The following SWT1 variants were observed in gnomAD, a reference collection of about 807,000 sequenced individuals.
SWT1 encodes the protein SWT1 RNA endoribonuclease homolog.
A neutral mutation model predicts 107.3 loss-of-function variants in SWT1; 33 were observed. The ratio of observed to expected loss-of-function variants is 0.31; its 90% CI spans 0.23 to 0.41. The LOEUF is 0.41. Among genes scored for constraint, SWT1 ranks in the 10% least tolerant of loss-of-function variants. The pLI, the probability that SWT1 is intolerant of heterozygous loss-of-function variation, is 1.00. For synonymous variants in SWT1, 345 were observed against 348.3 expected, an observed-to-expected ratio of 0.99 and a Z score of 0.11; for missense variants, 898 against 1,028.9, an observed-to-expected ratio of 0.87 and a Z score of 1.74.
chr1:185,187,884 G>T (rs1438040863), intron 9 of SWT1, among the ~76,000 whole-genome samples: 2 of 151,956 alleles, frequency 1.3e-5, no homozygotes, highest in African/African-American at 4.8e-5. Flanking sequence ...GTAGAGATGG[G>T]GTTTCACCAT....
chr1:185,193,327 T>C (rs978789741), intron 10 of SWT1, among the ~76,000 whole-genome samples: 1 of 152,208 alleles, frequency 6.6e-6, no homozygotes, highest in African/African-American at 2.4e-5. Flanking sequence ...TGGTCTGTTT[T>C]AGTGAATGTT....
intron 18 of SWT1, among the ~76,000 whole-genome samples, chr1:185,278,313 C>A (rs1664386470): frequency 6.6e-6 from 1 of 152,184 alleles, no homozygotes; most frequent in African/African-American, 2.4e-5. Flanking sequence ...CTAATTCCTT[C>A]CCTTCTGCCA....
chr1:185,175,917 A>G (rs1162039920), intron 5 of SWT1, among the ~76,000 whole-genome samples: 1 of 152,202 alleles, frequency 6.6e-6, no homozygotes. Flanking sequence ...AAAGTATAAT[A>G]CCTATCACTT....
intron 13 of SWT1, among the ~76,000 whole-genome samples, chr1:185,212,095 T>C (rs1044294789): frequency 1.4e-4 from 21 of 152,068 alleles, no homozygotes; most frequent in Non-Finnish European, 2.9e-4. Flanking sequence ...TTAGGAGATA[T>C]ACCTAATGTT....
At chr1:185,236,278 C>T (rs570165810) in intron 16 of SWT1, among the ~76,000 whole-genome samples, 2 of 150,234 alleles carry the variant, frequency 1.3e-5, no homozygotes, top group Admixed American at 1.3e-4. Flanking sequence ...CTAAGCAATC[C>T]TAACAAAACT....
intron 16 of SWT1, among the ~76,000 whole-genome samples, chr1:185,252,742 C>A (rs1184145727): frequency 6.6e-6 from 1 of 152,156 alleles, no homozygotes; most frequent in African/African-American, 2.4e-5. Context: ...TGCCTGTTCA[C>A]TCTGTTGGTA....
chr1:185,239,989 A>G (rs957444002), intron 16 of SWT1, among the ~76,000 whole-genome samples: 1 of 152,082 alleles, frequency 6.6e-6, no homozygotes, highest in African/African-American at 2.4e-5. Flanking sequence ...TGCAGAGTTA[A>G]CTAAACAGGT....
intron 18 of SWT1, among the ~76,000 whole-genome samples, chr1:185,284,132 T>C (rs1167169608): frequency 6.6e-6 from 1 of 152,194 alleles, no homozygotes; most frequent in Non-Finnish European, 1.5e-5. Context: ...TTGGTTTTGG[T>C]TAGTTATTGC....
chr1:185,202,289 A>G (rs1223099221), intron 10 of SWT1, among the ~76,000 whole-genome samples: 1 of 152,080 alleles, frequency 6.6e-6, no homozygotes, highest in Non-Finnish European at 1.5e-5. Context: ...CTCTCTGTTT[A>G]TTTCTCTTTG....
At chr1:185,277,769 T>C (rs1664342601) in intron 18 of SWT1, among the ~76,000 whole-genome samples, 1 of 152,156 alleles carries the variant, frequency 6.6e-6, no homozygotes, top group African/African-American at 2.4e-5. Context: ...AGCTGTAACC[T>C]ACCTTTTATT....
At chr1:185,231,754 C>T (rs1660522871) in intron 16 of SWT1, 46 bp downstream of exon 16, 1 of 1,496,992 alleles carries the variant, frequency 6.7e-7, no homozygotes, top group East Asian at 2.3e-5. Context: ...TATTACTTTT[C>T]TCTTTCTCCT....
intron 13 of SWT1, among the ~76,000 whole-genome samples, chr1:185,211,005 G>A (rs1019184241): frequency 1.4e-5 from 2 of 144,196 alleles, no homozygotes; most frequent in Admixed American, 6.9e-5. Context: ...GAAGGTCCTC[G>A]TCAAGAACTA....
intron 14 of SWT1, among the ~76,000 whole-genome samples, chr1:185,218,516 G>C (rs549479867): frequency 2.0e-5 from 3 of 151,936 alleles, no homozygotes; most frequent in Non-Finnish European, 4.4e-5. Flanking sequence ...TCACTTTGTT[G>C]CCCAGGTTGG....
chr1:185,257,537 C>T (rs1165305411), intron 16 of SWT1, among the ~76,000 whole-genome samples: 3 of 152,202 alleles, frequency 2.0e-5, no homozygotes, highest in Non-Finnish European at 2.9e-5. Context: ...GGGAGTGACC[C>T]GATTTTCCAG....
intron 16 of SWT1, among the ~76,000 whole-genome samples, chr1:185,239,809 C>CTTA (rs1198160390): frequency 6.6e-6 from 1 of 151,938 alleles, no homozygotes; most frequent in African/African-American, 2.4e-5. Flanking sequence ...GATCAAGTAA[C>CTTA]TCTTAAGACC....
chr1:185,269,496 G>A (rs1470959498), intron 16 of SWT1, among the ~76,000 whole-genome samples: 1 of 151,598 alleles, frequency 6.6e-6, no homozygotes. Flanking sequence ...CCCCTCCAAG[G>A]GACCTTTAAA....
chr1:185,159,594 AC>A (rs1272090509), intron 1 of SWT1, among the ~76,000 whole-genome samples: 1 of 152,228 alleles, frequency 6.6e-6, no homozygotes, highest in Admixed American at 6.5e-5. Context: ...AGTTTTTAAT[AC>A]GGCACACTCA....
intron 16 of SWT1, among the ~76,000 whole-genome samples, chr1:185,241,384 G>A (rs1027076611): frequency 3.3e-5 from 5 of 152,024 alleles, no homozygotes; most frequent in African/African-American, 1.2e-4. Context: ...CCACTCTTCA[G>A]TTAGGGTTTC....
chr1:185,213,849 C>G (rs1451134627), intron 13 of SWT1, among the ~76,000 whole-genome samples: 1 of 151,982 alleles, frequency 6.6e-6, no homozygotes, highest in Non-Finnish European at 1.5e-5. Context: ...GTTTTAGTTC[C>G]TTGAGATAAA....
Sources: gnomAD v4.1 joint callset for allele counts (sites outside exome capture counted in the v4.1 genomes callset) on GRCh38, gnomAD v4.1.1 for gene constraint, MANE v1.5 for transcripts, NCBI Gene and HGNC (gene_info 2026-07-23, HGNC 2026-07-21) for gene names.